Variants in INSR observed in about 807,000 individuals in gnomAD.
INSR encodes the protein insulin receptor, also known as IR.
A neutral mutation model predicts 142.6 loss-of-function variants in INSR; 67 were observed. That is an observed-to-expected ratio of 0.47 (90% CI 0.39 to 0.58). INSR has a LOEUF of 0.58. Among genes scored for constraint, INSR ranks in the 20% least tolerant of loss-of-function variants. INSR has a pLI of 0.00. For missense variants in INSR, 1,248 were observed against 1,833.2 expected, an observed-to-expected ratio of 0.68 and a Z score of 5.83; for synonymous variants, 756 against 743.1, an observed-to-expected ratio of 1.02 and a Z score of -0.28.
chr19:7,112,998 T>A lies in INSR; in HGVS notation c.*4058A>T, dbSNP rs970880983. ...CCATGTATATAAAATCGGCATTCCC[T>A]GTTCCCCATCCTCAACAAAACCATT... is the stretch of plus-strand genomic sequence containing the variant. On this transcript the variant is annotated 3_prime_UTR_variant, in exon 22 of 22. Coordinates refer to ENST00000302850, the MANE Select transcript of INSR (RefSeq NM_000208.4). The A allele has an allele frequency of 1.3e-5, 2 of 152,190 alleles. No homozygotes were observed. Among genetic ancestry groups the A allele is most frequent in the Non-Finnish European group, 2.9e-5 (2 of 68,038 alleles). 9.4% of individuals were successfully genotyped at this position (152,190 alleles called of 1,614,324 possible).
At chr19:7,232,202 G>A (rs963931580) in intron 2 of INSR, among the ~76,000 whole-genome samples, 23 of 102,070 alleles carry the variant, frequency 2.3e-4, no homozygotes, top group Admixed American at 3.5e-4. Context: ...CTTCAGATCT[G>A]TGCATTTTAT....
In INSR at chr19:7,258,754, G is replaced by A. The variant is rs1201467635; in HGVS notation, c.652+8591C>T. ...TTGTCAACTGTGAGCCAGGTACTAT[G>A]ACAGGTGCTTGAGATACAACAAAGT... is the stretch of plus-strand genomic sequence containing the variant. On this transcript the variant is annotated intron_variant, in intron 2 of 21. Coordinates refer to ENST00000302850, the MANE Select transcript of INSR (RefSeq NM_000208.4). 1.3e-5 allele frequency among the ~76,000 whole-genome samples: 2 copies of A among 149,106 alleles called. 1 individual carries two copies. The highest frequency in any genetic ancestry group is 3.0e-5 in the Non-Finnish European group (2 of 66,660).
chr19:7,195,641 CA>C (rs199523829), intron 2 of INSR, among the ~76,000 whole-genome samples: 4 of 143,436 alleles, frequency 2.8e-5, no homozygotes, highest in Admixed American at 7.0e-5. Flanking sequence ...GACTCCGCCT[CA>C]AAAAAAAATA....
rs535785506 is a variant in INSR at position 7,150,392 on chromosome 19, G to A, written c.2267+105C>T. 34 of 972,018 alleles carry A rather than the reference G, an allele frequency of 3.5e-5. No individual in the cohort carries two copies. The Middle Eastern group carries it at 8.7e-4, about 25-fold the overall frequency. The allele number at this position is 972,018 out of a possible 1,614,324, so 60.2% of individuals were successfully genotyped here. On this transcript the variant is annotated intron_variant, in intron 11 of 21. Transcript: ENST00000302850. The surrounding 1 kb of genome is among the most constrained non-coding windows in gnomAD (Gnocchi z 4.2). The stretch of plus-strand genomic sequence containing the variant: ...CTGCTCTCCAGCACAGCTGCCCGCC[G>A]CATGCAAAAAGCCACAGAAACCCCT...
rs1380719924 is a variant in INSR, at chr19:7,277,726, G to T, written c.101-9830C>A. 2.6e-5 allele frequency among the ~76,000 whole-genome samples: 4 copies of T among 152,242 alleles called. No homozygotes were observed. In the East Asian group the frequency reaches 7.7e-4, roughly 29 times the overall value. On this transcript the variant is annotated intron_variant, in intron 1 of 21. Transcript: ENST00000302850. Reference sequence around the variant, plus strand: ...GCAGGAGAATTGCTTGAGCCCAAGAGGTTGAGGCTGCAGTGAGCTATGACT... The same window carrying T: ...GCAGGAGAATTGCTTGAGCCCAAGATGTTGAGGCTGCAGTGAGCTATGACT...
At chr19:7,157,869 CA>C (rs1973637759) in intron 9 of INSR, among the ~76,000 whole-genome samples, 1 of 151,614 alleles carries the variant, frequency 6.6e-6, no homozygotes, top group Non-Finnish European at 1.5e-5. Flanking sequence ...GGTGAGTATC[CA>C]CTCGGAAACC....
At chr19:7,118,858 T>C (rs1972405380) in intron 21 of INSR, among the ~76,000 whole-genome samples, 1 of 137,416 alleles carries the variant, frequency 7.3e-6, no homozygotes, top group Non-Finnish European at 1.5e-5. Flanking sequence ...GAGCTTGAAG[T>C]CAGCCGAGCT....
rs550815461 is a variant in INSR at position 7,188,586 on chromosome 19, A to C, written c.653-3949T>G. Among the ~76,000 whole-genome samples the C allele has an allele frequency of 2.7e-5, 4 of 150,234 alleles. No individual in the cohort carries two copies. In the South Asian group the frequency reaches 8.4e-4, roughly 32 times the overall value. The stretch of plus-strand genomic sequence containing the variant: ...AAAACAAGAATATTAGGAAGTTCTA[A>C]TAGGGCTAAGCACAGTGGCTGATGC... On this transcript the variant is annotated intron_variant, in intron 2 of 21. Transcript: ENST00000302850.
intron 3 of INSR, among the ~76,000 whole-genome samples, chr19:7,176,327 A>G (rs1047204671): frequency 6.6e-6 from 1 of 152,168 alleles, no homozygotes; most frequent in African/African-American, 2.4e-5. Flanking sequence ...CCAGCCGGGC[A>G]TGGTGGCTCA....
intron 9 of INSR, among the ~76,000 whole-genome samples, chr19:7,158,229 G>T (rs541735615): frequency 6.6e-6 from 1 of 151,812 alleles, no homozygotes; most frequent in East Asian, 1.9e-4. Context: ...GGCCAGGCGC[G>T]GTGACTCACG....
intron 2 of INSR, among the ~76,000 whole-genome samples, 156 bp from the exon 3 acceptor site, chr19:7,184,793 G>A (rs1397837635): frequency 2.1e-5 from 3 of 143,944 alleles, no homozygotes; most frequent in African/African-American, 7.4e-5. Flanking sequence ...AAAGCGGCAC[G>A]TCTACATCAT....
rs147505528 is a variant in INSR at position 7,240,372 on chromosome 19, C to T, written c.652+26973G>A. On this transcript the variant is annotated intron_variant, in intron 2 of 21. Coordinates refer to ENST00000302850, the MANE Select transcript of INSR (RefSeq NM_000208.4). ...CTGAGGCAGGTGGATTACCTGAAGT[C>T]GGGAGTTTGAGACCAGCCAGGCCAA... Among the ~76,000 whole-genome samples the T allele has an allele frequency of 8.7e-4, 132 of 151,882 alleles. No individual in the cohort carries two copies. The East Asian group carries it at 0.023, about 26-fold the overall frequency.
intron 12 of INSR, among the ~76,000 whole-genome samples, chr19:7,142,183 A>G (rs1222709939): frequency 6.6e-6 from 1 of 151,708 alleles, no homozygotes; most frequent in Non-Finnish European, 1.5e-5. Context: ...TTGGCGGACC[A>G]CTTGAGCTCA....
chr19:7,228,632 T>C (rs924325148), intron 2 of INSR, among the ~76,000 whole-genome samples: 5 of 152,214 alleles, frequency 3.3e-5, no homozygotes, highest in Non-Finnish European at 7.3e-5. Context: ...CTGCAGATGC[T>C]GCAATTATAG....
Position 7,259,050 on chromosome 19 carries a change from T to C in INSR, c.652+8295A>G, listed in dbSNP as rs1344239732. On this transcript the variant is annotated intron_variant, in intron 2 of 21. Coordinates refer to ENST00000302850, the MANE Select transcript of INSR (RefSeq NM_000208.4). ...TTTCCTTCCCTCCTTCCTTCCTTTC[T>C]TTCTTCCTTCCTTTCTCCTTCCCTC... Among the ~76,000 whole-genome samples, 5 of 141,920 alleles carry C rather than the reference T, an allele frequency of 3.5e-5. 1 individual carries two copies. The highest frequency in any genetic ancestry group is 6.3e-5 in the Non-Finnish European group (4 of 63,444). 93.1% of individuals were successfully genotyped at this position (141,920 alleles called of 152,430 possible).
intron 2 of INSR, among the ~76,000 whole-genome samples, chr19:7,204,581 A>C (rs1428748061): frequency 2.0e-5 from 3 of 152,290 alleles, no homozygotes; most frequent in East Asian, 3.9e-4. Flanking sequence ...TTCCCTCTGG[A>C]TCCTCAGACT....
intron 2 of INSR, among the ~76,000 whole-genome samples, chr19:7,252,637 C>T (rs758478264): frequency 6.6e-6 from 1 of 152,190 alleles, no homozygotes; most frequent in Admixed American, 6.5e-5. Flanking sequence ...CGCTTTAAAG[C>T]CCATCCTTAT....
At chr19:7,151,310 C>A (rs1018839435) in intron 10 of INSR, among the ~76,000 whole-genome samples, 3 of 149,870 alleles carry the variant, frequency 2.0e-5, no homozygotes, top group Non-Finnish European at 3.0e-5. Context: ...GGGTCTTGCT[C>A]TGTTGCCCAG....
intron 6 of INSR, among the ~76,000 whole-genome samples, 161 bp downstream of exon 6, chr19:7,170,376 A>G (rs1973988358): frequency 6.6e-6 from 1 of 151,888 alleles, no homozygotes; most frequent in South Asian, 2.1e-4. Context: ...CAATTCTTTC[A>G]TTATATATTA....
Sources: allele counts gnomAD v4.1 joint callset (sites outside exome capture counted in the v4.1 genomes callset), GRCh38; gene constraint gnomAD v4.1.1; non-coding constraint Gnocchi (gnomAD v3.1); transcripts MANE v1.5; gene names NCBI Gene and HGNC (gene_info 2026-07-23, HGNC 2026-07-21).